The following PLS1 variants were observed in gnomAD, a reference collection of about 807,000 sequenced individuals.
The protein encoded by PLS1 is plastin-1.
Under a neutral mutation model 73.7 loss-of-function variants are expected in PLS1, and 32 were observed. The observed-to-expected ratio is 0.43, with a 90% confidence interval of 0.33 to 0.58. The LOEUF is 0.58. Among genes scored for constraint, PLS1 ranks in the 20% least tolerant of loss-of-function variants. PLS1 has a pLI of 0.04. For missense variants in PLS1, 633 were observed against 740.5 expected (o/e 0.85, Z 1.68); for synonymous variants, 217 against 261.3 (o/e 0.83, Z 1.63).
chr3:142,651,483 A>C (rs1278164460), intron 1 of PLS1, among the ~76,000 whole-genome samples: 8 of 112,824 alleles, frequency 7.1e-5, no homozygotes, highest in South Asian at 5.1e-4. Flanking sequence ...AAAAAAAAAA[A>C]AAAACCCAAA....
At chr3:142,629,789 T>C (rs1209822550) in intron 1 of PLS1, among the ~76,000 whole-genome samples, 1 of 152,208 alleles carries the variant, frequency 6.6e-6, no homozygotes, top group Admixed American at 6.5e-5. Context: ...CTCAGCACTA[T>C]AGGAATGTTA....
intron 4 of PLS1, chr3:142,673,581 G>A (rs2037653812): frequency 6.6e-6 from 1 of 152,194 alleles, no homozygotes; most frequent in Non-Finnish European, 1.5e-5. Flanking sequence ...CTGCCAAATT[G>A]TTTTCCAAAG....
chr3:142,658,559 A>G (rs1375350882), intron 1 of PLS1, among the ~76,000 whole-genome samples: 1 of 151,852 alleles, frequency 6.6e-6, no homozygotes, highest in Non-Finnish European at 1.5e-5. Flanking sequence ...GACCACCACT[A>G]TTCTGAATTT....
chr3:142,711,454 T>A (rs1486906137), intron 14 of PLS1, 47 bp from the exon 15 acceptor site: 1 of 1,390,502 alleles, frequency 7.2e-7, no homozygotes, highest in South Asian at 1.3e-5. Context: ...ATAATGAAAA[T>A]TAAAGGTCAG....
chr3:142,611,224 G>GC (rs2036115222), intron 1 of PLS1, among the ~76,000 whole-genome samples: 1 of 152,184 alleles, frequency 6.6e-6, no homozygotes, highest in Admixed American at 6.5e-5. Flanking sequence ...ATGCAAGCAG[G>GC]CAGTGGACCA....
intron 1 of PLS1, among the ~76,000 whole-genome samples, chr3:142,628,423 A>G (rs1017340768): frequency 6.6e-6 from 1 of 151,652 alleles, no homozygotes; most frequent in African/African-American, 2.4e-5. Flanking sequence ...GTGTATGTGT[A>G]TAAATTTATG....
chr3:142,613,303 C>T (rs977785676), intron 1 of PLS1, among the ~76,000 whole-genome samples: 3 of 151,850 alleles, frequency 2.0e-5, no homozygotes, highest in Admixed American at 6.6e-5. Flanking sequence ...CGTGGTGGAA[C>T]CCTGCCTCTA....
At chr3:142,634,847 AGTT>A (rs1360220213) in intron 1 of PLS1, among the ~76,000 whole-genome samples, 2 of 152,128 alleles carry the variant, frequency 1.3e-5, no homozygotes, top group Admixed American at 6.6e-5. Flanking sequence ...TTTAAAAGCC[AGTT>A]GTTTTAAATA....
Position 142,711,547 on chromosome 3 carries a change from C to G in PLS1, c.1676C>G (p.Ala559Gly), listed in dbSNP as rs749629040. 1 of 1,599,916 alleles carries G rather than the reference C, an allele frequency of 6.3e-7. No individual in the cohort carries two copies. Among genetic ancestry groups the G allele is most frequent in the Non-Finnish European group, 8.6e-7 (1 of 1,168,106 alleles). Residue 559 changes from alanine to glycine, a missense_variant, in exon 15 of 16, where the codon GCC becomes GGC. Coordinates refer to ENST00000457734, the MANE Select transcript of PLS1 (RefSeq NM_001145319.2). ...TSLPVLDLID[A>G]IAPNAVRQEM... ...TTACCTGTCCTAGATTTAATAGATG[C>G]CATTGCACCAAATGCAGTTCGTCAA... is the stretch of plus-strand genomic sequence containing the variant.
chr3:142,622,072 G>A (rs918058032), intron 1 of PLS1, among the ~76,000 whole-genome samples: 1 of 152,062 alleles, frequency 6.6e-6, no homozygotes, highest in African/African-American at 2.4e-5. Flanking sequence ...GTTGCAGTCC[G>A]GGTTGTCTCT....
chr3:142,626,572 A>C (rs1179065558), intron 1 of PLS1, among the ~76,000 whole-genome samples: 3 of 152,220 alleles, frequency 2.0e-5, no homozygotes, highest in Non-Finnish European at 4.4e-5. Flanking sequence ...TATGTATGCA[A>C]GATACTGTTT....
At chr3:142,664,121 T>G in intron 1 of PLS1, 81 bp from the exon 2 acceptor site, 1 of 539,722 alleles carries the variant, frequency 1.9e-6, no homozygotes, top group Non-Finnish European at 3.3e-6. Flanking sequence ...TCCTAGAGAA[T>G]GTACTTCCTC....
intron 9 of PLS1, among the ~76,000 whole-genome samples, chr3:142,689,176 A>G (rs1276786792): frequency 1.3e-5 from 2 of 152,078 alleles, no homozygotes; most frequent in Non-Finnish European, 1.5e-5. Context: ...GCTCACGGCT[A>G]TAATCCCAGC....
chr3:142,657,739 C>T (rs549058449), intron 1 of PLS1, among the ~76,000 whole-genome samples: 13 of 152,270 alleles, frequency 8.5e-5, no homozygotes, highest in East Asian at 3.9e-4. Context: ...CCGCCCACCT[C>T]GCCCTCCCAA....
intron 6 of PLS1, among the ~76,000 whole-genome samples, chr3:142,680,125 C>T (rs375284077): frequency 4.8e-4 from 73 of 152,258 alleles, no homozygotes; most frequent in African/African-American, 1.6e-3. Context: ...TGCTATGCCA[C>T]CCAATATAGA....
At chr3:142,704,151 G>A (rs1014344195) in intron 13 of PLS1, 150 bp downstream of exon 13, 88 of 619,280 alleles carry the variant, frequency 1.4e-4, no homozygotes, top group Admixed American at 3.5e-5. Context: ...TGTTGATTAT[G>A]GTTTTTTTGT....
intron 1 of PLS1, among the ~76,000 whole-genome samples, chr3:142,650,084 T>G (rs919910708): frequency 6.6e-6 from 1 of 152,096 alleles, no homozygotes; most frequent in Non-Finnish European, 1.5e-5. Context: ...TAAATTGTTT[T>G]GAGTAACCAC....
chr3:142,667,618 A>G (rs2037507144), intron 2 of PLS1, among the ~76,000 whole-genome samples: 1 of 152,236 alleles, frequency 6.6e-6, no homozygotes, highest in Non-Finnish European at 1.5e-5. Flanking sequence ...AAAACCACAG[A>G]GGGCCTAGGG....
intron 1 of PLS1, among the ~76,000 whole-genome samples, chr3:142,620,310 A>G (rs1339957617): frequency 2.0e-5 from 3 of 152,024 alleles, no homozygotes; most frequent in African/African-American, 4.8e-5. Flanking sequence ...TATTTGTAGT[A>G]CAGACGGGGT....
Sources: allele counts gnomAD v4.1 joint callset (sites outside exome capture counted in the v4.1 genomes callset), GRCh38; gene constraint gnomAD v4.1.1; transcripts MANE v1.5; gene names NCBI Gene and HGNC (gene_info 2026-07-23, HGNC 2026-07-21).